Variants in HS6ST3 observed in about 807,000 individuals in gnomAD.
HS6ST3 encodes heparan sulfate 6-O-sulfotransferase 3.
Under a neutral mutation model 36.7 loss-of-function variants are expected in HS6ST3, and 12 were observed. The ratio of observed to expected loss-of-function variants is 0.33; its 90% CI spans 0.21 to 0.53. The LOEUF is 0.53. HS6ST3 is among the 20% of genes least tolerant of loss of function. The pLI is 0.95. For synonymous variants in HS6ST3, 240 were observed against 257.5 expected (o/e 0.93, Z 0.65); for missense variants, 584 against 640.9 (o/e 0.91, Z 0.96).
At chr13:96,214,583 T>C (rs1394615029) in intron 1 of HS6ST3, among the ~76,000 whole-genome samples, 1 of 152,210 alleles carries the variant, frequency 6.6e-6, no homozygotes, top group Non-Finnish European at 1.5e-5. Context: ...GTACATTATT[T>C]TTAATTTTTA....
chr13:96,446,363 A>G lies in HS6ST3; in HGVS notation c.707+354794A>G, dbSNP rs1171572092. On this transcript the variant is annotated intron_variant, in intron 1 of 1. Transcript: ENST00000376705. ...TTTAATTAGCAGCATCTTACTATGC[A>G]TATTGACATACCCAGCAGTAACACC... 2.6e-5 allele frequency among the ~76,000 whole-genome samples: 4 copies of G among 152,310 alleles called. No homozygotes were observed. The East Asian group carries it at 5.8e-4, about 22-fold the overall frequency.
chr13:96,724,468 A>G (rs1566438777), intron 1 of HS6ST3, among the ~76,000 whole-genome samples: 1 of 152,166 alleles, frequency 6.6e-6, no homozygotes, highest in Non-Finnish European at 1.5e-5. Flanking sequence ...TACTGAACAG[A>G]TCCATCCATC....
In HS6ST3 at chr13:96,246,299, A is replaced by G. The variant is rs2054584712; in HGVS notation, c.707+154730A>G. On this transcript the variant is annotated intron_variant, in intron 1 of 1. Transcript: ENST00000376705. ...TTCTCTTACTTAGAATTCTTTGCCC[A>G]TTTCCTCCCTCCCTGCCCAAGACTG... Among the ~76,000 whole-genome samples the G allele has an allele frequency of 2.6e-5, 4 of 152,136 alleles. No individual in the cohort carries two copies. The South Asian group carries it at 8.3e-4, about 32-fold the overall frequency.
chr13:96,360,404 A>G (rs1189715529), intron 1 of HS6ST3, among the ~76,000 whole-genome samples: 4 of 152,096 alleles, frequency 2.6e-5, no homozygotes, highest in Non-Finnish European at 5.9e-5. Flanking sequence ...GGGATTGTGA[A>G]TGATTAGACC....
At chr13:96,353,806 G>C (rs1217206296) in intron 1 of HS6ST3, among the ~76,000 whole-genome samples, 3 of 152,058 alleles carry the variant, frequency 2.0e-5, no homozygotes, top group Non-Finnish European at 4.4e-5. Flanking sequence ...GGTAGCTATT[G>C]CCAACATATA....
chr13:96,738,833 C>A (rs974082198), intron 1 of HS6ST3, among the ~76,000 whole-genome samples: 1 of 152,080 alleles, frequency 6.6e-6, no homozygotes, highest in Non-Finnish European at 1.5e-5. Context: ...TCATATTTCA[C>A]CCCTTATTAC....
At chr13:96,351,128 G>A (rs1009496712) in intron 1 of HS6ST3, among the ~76,000 whole-genome samples, 8 of 151,842 alleles carry the variant, frequency 5.3e-5, no homozygotes, top group Admixed American at 1.3e-4. Context: ...TTGGTTAAAG[G>A]TCACGTAGCA....
intron 1 of HS6ST3, among the ~76,000 whole-genome samples, chr13:96,585,097 G>A (rs1372923686): frequency 6.6e-6 from 1 of 152,118 alleles, no homozygotes; most frequent in Admixed American, 6.5e-5. Flanking sequence ...TGGTTGCATG[G>A]AAAAATATTT....
At chr13:96,443,475 A>G (rs1238905967) in intron 1 of HS6ST3, among the ~76,000 whole-genome samples, 1 of 143,798 alleles carries the variant, frequency 7.0e-6, no homozygotes, top group Non-Finnish European at 1.5e-5. Flanking sequence ...GCTTGCAGTG[A>G]GCCGAGATCA....
chr13:96,588,559 C>T (rs889438268), intron 1 of HS6ST3, among the ~76,000 whole-genome samples: 2 of 152,124 alleles, frequency 1.3e-5, no homozygotes, highest in African/African-American at 4.8e-5. Flanking sequence ...GTTGAATCAT[C>T]CTTGCATCCC....
intron 1 of HS6ST3, among the ~76,000 whole-genome samples, chr13:96,434,150 T>C (rs2055630262): frequency 1.3e-5 from 2 of 152,222 alleles, no homozygotes; most frequent in African/African-American, 4.8e-5. Context: ...AGCCTCCAAA[T>C]TGTGAAAAAT....
At chr13:96,828,167 C>T (rs1205803153) in intron 1 of HS6ST3, among the ~76,000 whole-genome samples, 3 of 152,120 alleles carry the variant, frequency 2.0e-5, no homozygotes, top group Non-Finnish European at 4.4e-5. Flanking sequence ...CTGTTCTGTC[C>T]TTGGCAGTTT....
intron 1 of HS6ST3, among the ~76,000 whole-genome samples, chr13:96,358,322 G>GA (rs113006470): frequency 0.046 from 6,993 of 152,206 alleles, 297 homozygotes; most frequent in African/African-American, 0.11. Flanking sequence ...AATACAAAGT[G>GA]AAAATGTGCT....
intron 1 of HS6ST3, among the ~76,000 whole-genome samples, chr13:96,110,346 T>A (rs2053861945): frequency 6.6e-6 from 1 of 151,972 alleles, no homozygotes; most frequent in Non-Finnish European, 1.5e-5. Context: ...AAGCCCTTCA[T>A]GAGGGACCCA....
chr13:96,617,719 G>A (rs1660825501), intron 1 of HS6ST3, among the ~76,000 whole-genome samples: 1 of 152,176 alleles, frequency 6.6e-6, no homozygotes, highest in Admixed American at 6.5e-5. Flanking sequence ...TCCCGAAGCA[G>A]CAGTATCAAT....
At chr13:96,738,199 A>G (rs922955571) in intron 1 of HS6ST3, among the ~76,000 whole-genome samples, 7 of 152,242 alleles carry the variant, frequency 4.6e-5, no homozygotes, top group East Asian at 1.9e-4. Flanking sequence ...ATGTGGATCA[A>G]TAGGCATTCT....
intron 1 of HS6ST3, among the ~76,000 whole-genome samples, chr13:96,785,532 G>T (rs1373008506): frequency 1.3e-5 from 2 of 152,098 alleles, no homozygotes; most frequent in African/African-American, 4.8e-5. Context: ...CTGTCTCCTG[G>T]TCCACTGTTG....
chr13:96,815,015 A>T lies in HS6ST3; in HGVS notation c.708-17475A>T, dbSNP rs569097378. On this transcript the variant is annotated intron_variant, in intron 1 of 1. Transcript: ENST00000376705. ...GCCGGTCCCTTCTTTCATTACATTC[A>T]TCTGTCTCTCCAATAAAGATATACC... is the stretch of plus-strand genomic sequence containing the variant. 7.2e-4 allele frequency among the ~76,000 whole-genome samples: 109 copies of T among 152,278 alleles called. 2 individuals carry two copies. Among genetic ancestry groups the T allele is most frequent in the African/African-American group, 2.5e-3 (104 of 41,564 alleles).
intron 1 of HS6ST3, among the ~76,000 whole-genome samples, chr13:96,220,044 A>G (rs1223691377): frequency 1.3e-5 from 2 of 152,160 alleles, no homozygotes; most frequent in Non-Finnish European, 2.9e-5. Context: ...ATTCATTCCA[A>G]GAACATTCAT....
Sources: allele counts gnomAD v4.1 joint callset (sites outside exome capture counted in the v4.1 genomes callset), GRCh38; gene constraint gnomAD v4.1.1; transcripts MANE v1.5; gene names NCBI Gene and HGNC (gene_info 2026-07-23, HGNC 2026-07-21).